Variants in DLAT observed in about 807,000 individuals in gnomAD.
DLAT encodes dihydrolipoyllysine-residue acetyltransferase component of pyruvate dehydrogenase complex, mitochondrial.
In DLAT, 43 loss-of-function variants were observed where a neutral mutation model predicts 68.0. That is an observed-to-expected ratio of 0.63 (90% CI 0.50 to 0.81). DLAT has a LOEUF of 0.81. Among genes scored for constraint, DLAT ranks in the 40% least tolerant of loss-of-function variants. DLAT has a pLI of 0.00. For missense variants in DLAT, 745 were observed against 815.4 expected, an observed-to-expected ratio of 0.91 and a Z score of 1.05; for synonymous variants, 265 against 288.6, an observed-to-expected ratio of 0.92 and a Z score of 0.83.
At chr11:112,025,969 T>G (rs1419934583) in intron 1 of DLAT, among the ~76,000 whole-genome samples, 1 of 152,216 alleles carries the variant, frequency 6.6e-6, no homozygotes, top group Non-Finnish European at 1.5e-5. Context: ...GTATGCAGAA[T>G]ATCTGCCGAG....
At chr11:112,045,325 T>C (rs782719901) in intron 9 of DLAT, 95 bp downstream of exon 9, 2 of 1,043,304 alleles carry the variant, frequency 1.9e-6, no homozygotes, top group Non-Finnish European at 3.0e-6. Context: ...CAGAGGCTTT[T>C]TAAGTTGGGA....
At chr11:112,053,297 G>A (rs1479268121) in intron 11 of DLAT, among the ~76,000 whole-genome samples, 1 of 152,038 alleles carries the variant, frequency 6.6e-6, no homozygotes, top group African/African-American at 2.4e-5. Flanking sequence ...AGTCCAGCCT[G>A]GGTGATAAGA....
rs587598452 is a variant in DLAT at position 112,043,675 on chromosome 11, C to T, written c.1197+142C>T. On this transcript the variant is annotated intron_variant, in intron 8 of 13. Transcript: ENST00000280346. ...GTGGTTTAATAATACAGTCATCCCTCGGTACCCATGAGAGGTTGGTTCCAG... is the reference window on the plus strand; with the variant it reads ...GTGGTTTAATAATACAGTCATCCCTTGGTACCCATGAGAGGTTGGTTCCAG... 3.3e-5 allele frequency: 28 copies of T among 856,344 alleles called. No homozygotes were observed. The East Asian group carries it at 5.2e-4, about 16-fold the overall frequency. 53.0% of individuals were successfully genotyped at this position (856,344 alleles called of 1,614,324 possible). A position where few individuals can be genotyped will look rare whatever the true frequency, so the allele number is the denominator to read the frequency against.
chr11:112,044,878 C>CA (rs782808667), intron 8 of DLAT, among the ~76,000 whole-genome samples: 3 of 151,868 alleles, frequency 2.0e-5, no homozygotes, highest in Non-Finnish European at 4.4e-5. Context: ...ACTAGAAATC[C>CA]AAAAAAATTA....
At chr11:112,033,794 T>G (rs1862547805) in intron 5 of DLAT, among the ~76,000 whole-genome samples, 1 of 152,198 alleles carries the variant, frequency 6.6e-6, no homozygotes, top group Non-Finnish European at 1.5e-5. Flanking sequence ...CATAGCTCAT[T>G]GTAGCCTTGA....
rs781843060 is a variant in DLAT, at chr11:112,045,816, A to G, written c.1291-47A>G. 1.7e-5 allele frequency: 20 copies of G among 1,193,618 alleles called. No homozygotes were observed. In the South Asian group the frequency reaches 2.5e-4, roughly 15 times the overall value. The allele number at this position is 1,193,618 out of a possible 1,614,324, so 73.9% of individuals were successfully genotyped here. On this transcript the variant is annotated intron_variant, in intron 9 of 13. Transcript: ENST00000280346. ...GACAAACAGAGCCCTAAATTAGTTA[A>G]GGTCTTAACTCAAGATAATTGATTT...
intron 7 of DLAT, among the ~76,000 whole-genome samples, chr11:112,043,005 C>T (rs1863124263): frequency 6.6e-6 from 1 of 152,194 alleles, no homozygotes; most frequent in South Asian, 2.1e-4. Flanking sequence ...TCTTTATGGT[C>T]ACATAAATCC....
At chr11:112,049,629 A>G (rs1347032624) in intron 10 of DLAT, among the ~76,000 whole-genome samples, 1 of 152,042 alleles carries the variant, frequency 6.6e-6, no homozygotes, top group Non-Finnish European at 1.5e-5. Flanking sequence ...GGAAGAGTAG[A>G]AAAGAAGTTA....
intron 11 of DLAT, 36 bp from the exon 12 acceptor site, chr11:112,059,863 TAAAC>T (rs1864445062): frequency 6.6e-7 from 1 of 1,508,604 alleles, no homozygotes. Context: ...AGGCTCTTAA[TAAAC>T]AGTTTTTTAT....
At chr11:112,050,850 G>C (rs188976355) in intron 10 of DLAT, among the ~76,000 whole-genome samples, 4 of 152,324 alleles carry the variant, frequency 2.6e-5, no homozygotes, top group Non-Finnish European at 5.9e-5. Flanking sequence ...ATGGGATTAT[G>C]CTAAAGCAGT....
rs781962773 is a variant in DLAT, at chr11:112,051,717, G to A, written c.1514+368G>A. Among the ~76,000 whole-genome samples, 9 of 152,024 alleles carry A rather than the reference G, an allele frequency of 5.9e-5. No homozygotes were observed. The highest frequency in any genetic ancestry group is 1.3e-4 in the Non-Finnish European group (9 of 68,008). ...GTGTGAGCCACAGTGTCCAGCCTGC[G>A]ATATTGCTGGATTTAGCTAGTAAAG... On this transcript the variant is annotated intron_variant, in intron 11 of 13. Transcript: ENST00000280346. This position sits in a 1 kb window ranked among gnomAD's most constrained non-coding sequence, Gnocchi z 4.3.
At chr11:112,033,115 T>C (rs1256062530) in intron 4 of DLAT, among the ~76,000 whole-genome samples, 1 of 152,098 alleles carries the variant, frequency 6.6e-6, no homozygotes, top group African/African-American at 2.4e-5. Context: ...TACTTAGATG[T>C]TGAGAAATTA....
At chr11:112,053,737 G>A (rs1195199320) in intron 11 of DLAT, among the ~76,000 whole-genome samples, 1 of 152,156 alleles carries the variant, frequency 6.6e-6, no homozygotes, top group African/African-American at 2.4e-5. Flanking sequence ...ACAGGTGTGA[G>A]CTACCACGCC....
intron 11 of DLAT, among the ~76,000 whole-genome samples, chr11:112,052,134 TGAAAGGAAAAAAACAA>T (rs1863676121): frequency 2.6e-5 from 4 of 151,980 alleles, no homozygotes; most frequent in Admixed American, 2.6e-4. Context: ...ATTCTTATTC[TGAAAGGAAAAAAACAA>T]ACTTTTTTCC....
chr11:112,030,501 A>C (rs1418033635), intron 4 of DLAT: 1 of 253,066 alleles, frequency 4.0e-6, no homozygotes, highest in African/African-American at 2.3e-5. Context: ...TTCTTTTGAC[A>C]TGTGGTGATC....
At chr11:112,032,796 T>TGGC (rs1267538498) in intron 4 of DLAT, among the ~76,000 whole-genome samples, 11 of 152,186 alleles carry the variant, frequency 7.2e-5, no homozygotes, top group African/African-American at 2.7e-4. Flanking sequence ...CTGGGCGCGG[T>TGGC]GGCTCACGCC....
intron 5 of DLAT, 85 bp from the exon 6 acceptor site, chr11:112,037,188 A>T: frequency 7.4e-7 from 1 of 1,360,042 alleles, no homozygotes; most frequent in Non-Finnish European, 1.0e-6. Flanking sequence ...GAATGAGAAA[A>T]ATCACTTTAC....
In DLAT at chr11:112,059,986, G is replaced by A. The variant is rs782009811; in HGVS notation, c.1598G>A (p.Gly533Glu). ...TPIVFNAHIKGVETIANDVVS... is the reference protein window; with the variant it reads ...TPIVFNAHIKEVETIANDVVS... ...ATTGTGTTTAATGCACATATAAAAG[G>A]AGTGGAAACCATTGCTAATGATGTT... Residue 533 changes from glycine to glutamate, a missense_variant, in exon 12 of 14, where the codon GGA (glycine) becomes GAA (glutamate). Physicochemically the swap from Gly to Glu is moderately conservative, Grantham distance 98 (BLOSUM62 -2). Coordinates refer to ENST00000280346, the MANE Select transcript of DLAT (RefSeq NM_001931.5). 3 of 1,613,828 alleles carry A rather than the reference G, an allele frequency of 1.9e-6. No homozygotes were observed. The African/African-American group carries it at 4.0e-5, about 22-fold the overall frequency.
In DLAT at chr11:112,025,643, A is replaced by T; in HGVS notation, c.171A>T (p.Ala57=). The part of the protein sequence containing the change: ...SVTTGYGGVR[A]LCGWTPSSGA... ...CTACAGGGTATGGCGGGGTCCGGGC[A>T]CTGTGCGGCTGGACCCCCAGTTCTG... Residue 57 remains alanine (A), a synonymous_variant, in exon 1 of 14, where the codon GCA becomes GCT. Coordinates refer to ENST00000280346, the MANE Select transcript of DLAT (RefSeq NM_001931.5). 6.2e-7 allele frequency: 1 copy of T among 1,613,176 alleles called. No individual in the cohort carries two copies. The highest frequency in any genetic ancestry group is 1.7e-4 in the Middle Eastern group (1 of 6,030).
Sources: gnomAD v4.1 joint callset for allele counts (sites outside exome capture counted in the v4.1 genomes callset) on GRCh38, gnomAD v4.1.1 for gene constraint, Gnocchi (gnomAD v3.1) non-coding constraint, MANE v1.5 for transcripts, NCBI Gene and HGNC (gene_info 2026-07-23, HGNC 2026-07-21) for gene names.